FGF12: variants seen among roughly 807,000 people sequenced by gnomAD.
FGF12 encodes fibroblast growth factor 12.
FGF12 carries 14 observed loss-of-function variants against 23.6 expected under a neutral mutation model. The observed-to-expected ratio is 0.59, with a 90% CI of 0.39 to 0.93. The LOEUF (loss-of-function observed/expected upper bound fraction) is 0.93, where lower values mean the gene tolerates loss of function less well. FGF12 is among the 40% of genes least tolerant of loss of function. The probability of loss-of-function intolerance (pLI) is 0.00; values close to 1 mark genes in which losing one functional copy is unlikely to be tolerated. For missense variants in FGF12, 175 were observed against 217.8 expected (o/e 0.80, Z 1.24); for synonymous variants, 62 against 77.3 (o/e 0.80, Z 1.04).
chr3:192,251,210 C>A (rs181033112), intron 4 of FGF12, among the ~76,000 whole-genome samples: 1 of 152,108 alleles, frequency 6.6e-6, no homozygotes, highest in African/African-American at 2.4e-5. Context: ...CATGTTTCTC[C>A]TAGAAAGAGC....
At chr3:192,194,574 C>T (rs1263079104) in intron 4 of FGF12, among the ~76,000 whole-genome samples, 1 of 152,096 alleles carries the variant, frequency 6.6e-6, no homozygotes, top group East Asian at 1.9e-4. Flanking sequence ...TGTTTGACAA[C>T]CTAAAAATAA....
chr3:192,318,304 T>G (rs1273400697), intron 4 of FGF12, among the ~76,000 whole-genome samples: 2 of 152,088 alleles, frequency 1.3e-5, no homozygotes, highest in East Asian at 3.9e-4. Flanking sequence ...TCAAAATAAT[T>G]GTTTTGAGGA....
chr3:192,645,767 TAAAAAAAAAAAA>T (rs55809400), intron 2 of FGF12, among the ~76,000 whole-genome samples: 2,946 of 71,156 alleles, frequency 0.041, 139 homozygotes, highest in African/African-American at 0.14. Flanking sequence ...ACAAAACAGG[TAAAAAAAAAAAA>T]AAAAAAAAAA....
chr3:192,258,318 C>T (rs894642924), intron 4 of FGF12, among the ~76,000 whole-genome samples: 2 of 151,970 alleles, frequency 1.3e-5, no homozygotes, highest in Non-Finnish European at 2.9e-5. Context: ...ATTAGCCAGG[C>T]GTGGTAGTGC....
chr3:192,596,924 G>A (rs944294303), intron 2 of FGF12, among the ~76,000 whole-genome samples: 2 of 152,294 alleles, frequency 1.3e-5, no homozygotes, highest in Admixed American at 6.5e-5. Context: ...TGTAGAAAGT[G>A]GATAAATGCT....
At chr3:192,354,503 A>T (rs1477360762) in intron 3 of FGF12, among the ~76,000 whole-genome samples, 2 of 152,178 alleles carry the variant, frequency 1.3e-5, no homozygotes, top group African/African-American at 4.8e-5. Context: ...AAAAAGGTAA[A>T]TCACAACAAA....
rs188266799 is a variant in FGF12 at position 192,251,012 on chromosome 3, T to C, written c.229-80356A>G. Among the ~76,000 whole-genome samples, 3 of 152,248 alleles carry C rather than the reference T, an allele frequency of 2.0e-5. No individual in the cohort carries two copies. The East Asian group carries it at 5.8e-4, about 29-fold the overall frequency. ...CTATTATATTTATTCTAGGACAAAA[T>C]ATACCATTGCCTATGATTGTGGGTT... On this transcript the variant is annotated intron_variant, in intron 4 of 5. Coordinates refer to ENST00000445105, the MANE Select transcript of FGF12 (RefSeq NM_004113.6).
intron 5 of FGF12, among the ~76,000 whole-genome samples, chr3:192,154,706 G>A (rs1314973962): frequency 2.8e-5 from 4 of 141,038 alleles, no homozygotes; most frequent in Non-Finnish European, 6.2e-5. Context: ...GAGAACCACT[G>A]CTCTCTTCAA....
chr3:192,191,569 C>A (rs931386561), intron 4 of FGF12, among the ~76,000 whole-genome samples: 2 of 152,202 alleles, frequency 1.3e-5, no homozygotes, highest in Non-Finnish European at 1.5e-5. Flanking sequence ...GGCACAGTGG[C>A]TCACGCCTAT....
chr3:192,260,559 AC>A (rs1222043411), intron 4 of FGF12, among the ~76,000 whole-genome samples: 1 of 152,200 alleles, frequency 6.6e-6, no homozygotes, highest in East Asian at 1.9e-4. Context: ...TGCAGAATTT[AC>A]ACATGTGATG....
intron 2 of FGF12, among the ~76,000 whole-genome samples, chr3:192,376,626 T>A (rs1348362373): frequency 6.6e-6 from 1 of 152,180 alleles, no homozygotes; most frequent in African/African-American, 2.4e-5. Context: ...CCTCCCAAAG[T>A]GCTGGGATTA....
chr3:192,648,270 C>A (rs9868055), intron 2 of FGF12, among the ~76,000 whole-genome samples: 6 of 151,762 alleles, frequency 4.0e-5, no homozygotes, highest in East Asian at 1.9e-4. Flanking sequence ...CAGAAATGGT[C>A]TATAACAACT....
intron 2 of FGF12, among the ~76,000 whole-genome samples, chr3:192,550,277 T>C (rs991014804): frequency 7.3e-5 from 11 of 150,994 alleles, no homozygotes; most frequent in African/African-American, 2.7e-4. Context: ...TAGATAATAT[T>C]TGTACACACA....
intron 2 of FGF12, among the ~76,000 whole-genome samples, chr3:192,558,219 T>C (rs1405509049): frequency 6.6e-6 from 1 of 151,690 alleles, no homozygotes; most frequent in Non-Finnish European, 1.5e-5. Context: ...ACAGAGATAA[T>C]AAATTCAGCA....
chr3:192,174,850 T>C (rs534022754), intron 4 of FGF12, among the ~76,000 whole-genome samples: 12 of 152,284 alleles, frequency 7.9e-5, no homozygotes, highest in Middle Eastern at 3.4e-3. Flanking sequence ...AACTGTAAAT[T>C]GAGTTATTTT....
intron 5 of FGF12, among the ~76,000 whole-genome samples, chr3:192,169,391 T>C (rs1715413611): frequency 6.6e-6 from 1 of 152,128 alleles, no homozygotes; most frequent in Non-Finnish European, 1.5e-5. Flanking sequence ...GAAAAGTTCA[T>C]TTCATGTGCT....
At chr3:192,545,535 G>A (rs543806986) in intron 2 of FGF12, among the ~76,000 whole-genome samples, 36 of 152,298 alleles carry the variant, frequency 2.4e-4, no homozygotes, top group African/African-American at 7.9e-4. Flanking sequence ...TGTGAATTAC[G>A]TCCCATAGCT....
intron 2 of FGF12, among the ~76,000 whole-genome samples, chr3:192,680,139 T>C (rs926162504): frequency 6.6e-6 from 1 of 152,138 alleles, no homozygotes; most frequent in African/African-American, 2.4e-5. Flanking sequence ...CAGAAACAGA[T>C]ACCGTAGGGA....
In FGF12 at chr3:192,409,156, G is replaced by T; in HGVS notation, c.14-48618C>A. On this transcript the variant is annotated intron_variant, in intron 2 of 5. Transcript: ENST00000445105. The surrounding 1 kb of genome is among the most constrained non-coding windows in gnomAD (Gnocchi z 4.8). ...GAAACCAGCGAGAGGCGATCTGCGGGGTCCCAAGAGTGGGCGCTCTTTCTC... is the reference window on the plus strand; with the variant it reads ...GAAACCAGCGAGAGGCGATCTGCGGTGTCCCAAGAGTGGGCGCTCTTTCTC... 5.1e-6 allele frequency: 1 copy of T among 196,034 alleles called. No homozygotes were observed. The highest frequency in any genetic ancestry group is 9.3e-6 in the Non-Finnish European group (1 of 107,932). The allele number at this position is 196,034 out of a possible 1,614,324, so 12.1% of individuals were successfully genotyped here.
Sources: allele counts gnomAD v4.1 joint callset (sites outside exome capture counted in the v4.1 genomes callset), GRCh38; gene constraint gnomAD v4.1.1; non-coding constraint Gnocchi (gnomAD v3.1); transcripts MANE v1.5; gene names NCBI Gene and HGNC (gene_info 2026-07-23, HGNC 2026-07-21).